CNOT10: variants seen among roughly 807,000 people sequenced by gnomAD.
CNOT10 encodes CCR4-NOT transcription complex, subunit 10.
A neutral mutation model predicts 94.6 loss-of-function variants in CNOT10; 30 were observed. The ratio of observed to expected loss-of-function variants is 0.32; its 90% CI spans 0.24 to 0.43. CNOT10 has a LOEUF of 0.43. Ranked by LOEUF, CNOT10 falls within the 20% of genes least tolerant of loss-of-function variation. The pLI, the probability that CNOT10 is intolerant of heterozygous loss-of-function variation, is 1.00. For missense variants in CNOT10, 759 were observed against 877.2 expected (o/e 0.87, Z 1.70); for synonymous variants, 289 against 301.6 (o/e 0.96, Z 0.43).
intron 18 of CNOT10, among the ~76,000 whole-genome samples, chr3:32,772,007 A>T (rs1163588013): frequency 1.3e-5 from 2 of 152,234 alleles, no homozygotes; most frequent in Admixed American, 1.3e-4. Context: ...TTGGCTCTAA[A>T]TATGAGATAG....
intron 4 of CNOT10, among the ~76,000 whole-genome samples, chr3:32,711,826 C>T (rs946488590): frequency 2.2e-4 from 33 of 152,210 alleles, no homozygotes; most frequent in African/African-American, 5.3e-4. Context: ...GAATTAGCCA[C>T]GGGCAGAAGA....
chr3:32,711,797 A>G (rs1575224546), intron 4 of CNOT10, among the ~76,000 whole-genome samples: 1 of 152,168 alleles, frequency 6.6e-6, no homozygotes, highest in East Asian at 1.9e-4. Context: ...GGTAAGGAGG[A>G]TAATAGGAAA....
chr3:32,690,081 T>G (rs1031701144), intron 1 of CNOT10, among the ~76,000 whole-genome samples: 1 of 152,094 alleles, frequency 6.6e-6, no homozygotes, highest in African/African-American at 2.4e-5. Flanking sequence ...TGGAGGGAGT[T>G]TGAATTCATT....
intron 13 of CNOT10, among the ~76,000 whole-genome samples, chr3:32,747,589 T>G (rs964739316): frequency 5.9e-5 from 9 of 152,010 alleles, no homozygotes; most frequent in Non-Finnish European, 1.3e-4. Context: ...CCACAAACTT[T>G]CACTACACCA....
At chr3:32,755,074 T>A (rs1443028317) in intron 13 of CNOT10, among the ~76,000 whole-genome samples, 3 of 150,488 alleles carry the variant, frequency 2.0e-5, no homozygotes, top group African/African-American at 7.3e-5. Context: ...TGGTGAAACC[T>A]CATCTCTACT....
chr3:32,763,556 A>T (rs1274915756), intron 15 of CNOT10, among the ~76,000 whole-genome samples: 1 of 151,984 alleles, frequency 6.6e-6, no homozygotes, highest in Non-Finnish European at 1.5e-5. Flanking sequence ...AGGCTGAGAC[A>T]GGAGAATCGC....
rs1699242352 is a variant in CNOT10, at chr3:32,737,540, C to T, written c.1595+50C>T. ...TTGCATCTATTGAAATGAACATATT[C>T]ATGGCTGGGCACAGTGGCTCATACC... is the stretch of plus-strand genomic sequence containing the variant. On this transcript the variant is annotated intron_variant, in intron 13 of 18. Transcript: ENST00000328834. 3 of 1,216,212 alleles carry T rather than the reference C, an allele frequency of 2.5e-6. 1 individual carries two copies. The highest frequency in any genetic ancestry group is 2.5e-5 in the South Asian group (2 of 79,016). The allele number at this position is 1,216,212 out of a possible 1,614,324, so 75.3% of individuals were successfully genotyped here.
At chr3:32,692,401 T>C (rs1204991858) in intron 1 of CNOT10, among the ~76,000 whole-genome samples, 2 of 152,196 alleles carry the variant, frequency 1.3e-5, no homozygotes, top group African/African-American at 4.8e-5. Context: ...CAGCTTTATC[T>C]CCTGTATTTT....
chr3:32,719,607 T>A (rs552623833), intron 7 of CNOT10, among the ~76,000 whole-genome samples: 5 of 152,206 alleles, frequency 3.3e-5, no homozygotes, highest in African/African-American at 1.2e-4. Flanking sequence ...GCAAGATTAG[T>A]GCTTGCAAAT....
At chr3:32,686,267 T>C (rs567350761) in intron 1 of CNOT10, among the ~76,000 whole-genome samples, 46 of 152,344 alleles carry the variant, frequency 3.0e-4, no homozygotes, top group African/African-American at 1.1e-3. Context: ...TCATATTCTT[T>C]GTGGCATCCA....
At chr3:32,729,561 G>A (rs1277412521) in intron 10 of CNOT10, among the ~76,000 whole-genome samples, 1 of 152,138 alleles carries the variant, frequency 6.6e-6, no homozygotes, top group Non-Finnish European at 1.5e-5. Context: ...CAAGAACTAA[G>A]GGGATTAAAG....
At chr3:32,729,005 A>C (rs1414581807) in intron 10 of CNOT10, among the ~76,000 whole-genome samples, 7 of 152,162 alleles carry the variant, frequency 4.6e-5, no homozygotes, top group Non-Finnish European at 7.3e-5. Context: ...GTGAGGCAGG[A>C]GAATGACGTG....
chr3:32,730,434 T>C (rs1698891661), intron 10 of CNOT10, among the ~76,000 whole-genome samples: 1 of 152,064 alleles, frequency 6.6e-6, no homozygotes, highest in Non-Finnish European at 1.5e-5. Context: ...ATGGTAAAGA[T>C]GACTTTCGGT....
chr3:32,762,661 C>G, intron 14 of CNOT10, 72 bp from the exon 15 acceptor site: 1 of 1,426,044 alleles, frequency 7.0e-7, no homozygotes, highest in Non-Finnish European at 9.5e-7. Flanking sequence ...CATAATATAC[C>G]CAGCATTATT....
chr3:32,726,075 GC>G (rs1698653526), intron 9 of CNOT10, among the ~76,000 whole-genome samples: 1 of 152,100 alleles, frequency 6.6e-6, no homozygotes, highest in Non-Finnish European at 1.5e-5. Flanking sequence ...CTCCTGAGTA[GC>G]TGGAACTACA....
chr3:32,737,738 G>A (rs975641834), intron 13 of CNOT10, among the ~76,000 whole-genome samples: 1 of 151,930 alleles, frequency 6.6e-6, no homozygotes, highest in African/African-American at 2.4e-5. Flanking sequence ...CAGGAGAATT[G>A]CTTGAACCCG....
intron 1 of CNOT10, among the ~76,000 whole-genome samples, chr3:32,690,970 A>T (rs1696823612): frequency 1.4e-5 from 2 of 145,166 alleles, no homozygotes; most frequent in South Asian, 4.4e-4. Context: ...ATTTTACCAT[A>T]TTTGCTTCCT....
chr3:32,710,877 C>T (rs1697854958), intron 4 of CNOT10, among the ~76,000 whole-genome samples: 1 of 152,142 alleles, frequency 6.6e-6, no homozygotes, highest in Non-Finnish European at 1.5e-5. Flanking sequence ...CGCGCCACCA[C>T]ACCCAGCTAA....
intron 9 of CNOT10, among the ~76,000 whole-genome samples, chr3:32,726,795 T>C (rs1245362167): frequency 6.6e-6 from 1 of 150,602 alleles, no homozygotes; most frequent in Non-Finnish European, 1.5e-5. Flanking sequence ...ATAGGTTTTA[T>C]TGTCATGAAC....
Sources: gnomAD v4.1 joint callset for allele counts (sites outside exome capture counted in the v4.1 genomes callset) on GRCh38, gnomAD v4.1.1 for gene constraint, MANE v1.5 for transcripts, NCBI Gene and HGNC (gene_info 2026-07-23, HGNC 2026-07-21) for gene names.